COG5: variants seen among roughly 807,000 people sequenced by gnomAD.
COG5 encodes the protein conserved oligomeric Golgi complex subunit 5.
In COG5, 86 loss-of-function variants were observed where a neutral mutation model predicts 110.4. That is an observed-to-expected ratio of 0.78 (90% CI 0.65 to 0.93). COG5 has a LOEUF of 0.93. COG5 is among the 40% of genes least tolerant of loss of function. The pLI, the probability that COG5 is intolerant of heterozygous loss-of-function variation, is 0.00. For synonymous variants in COG5, 360 were observed against 334.6 expected (o/e 1.08, Z -0.83); for missense variants, 1,077 against 987.0 (o/e 1.09, Z -1.22).
At chr7:107,434,894 T>C (rs1168296415) in intron 6 of COG5, among the ~76,000 whole-genome samples, 1 of 151,302 alleles carries the variant, frequency 6.6e-6, no homozygotes, top group Non-Finnish European at 1.5e-5. Flanking sequence ...CGCTTGAACC[T>C]GGGAGGCGGA....
chr7:107,520,763 T>G (rs1312037172), intron 6 of COG5, among the ~76,000 whole-genome samples: 1 of 152,132 alleles, frequency 6.6e-6, no homozygotes, highest in South Asian at 2.1e-4. Flanking sequence ...CAAACTACCA[T>G]TAACATTCTT....
intron 21 of COG5, among the ~76,000 whole-genome samples, chr7:107,207,593 C>T (rs762488953): frequency 6.6e-6 from 1 of 152,230 alleles, no homozygotes; most frequent in Non-Finnish European, 1.5e-5. Flanking sequence ...GAAATCTTTC[C>T]ATCAAAGACT....
intron 12 of COG5, among the ~76,000 whole-genome samples, chr7:107,288,607 G>A (rs765530802): frequency 4.6e-5 from 7 of 151,960 alleles, no homozygotes; most frequent in Non-Finnish European, 8.8e-5. Context: ...GTTTTCTGGA[G>A]ATGTCTGCTC....
At chr7:107,469,451 C>T (rs1263094247) in intron 6 of COG5, among the ~76,000 whole-genome samples, 1 of 152,018 alleles carries the variant, frequency 6.6e-6, no homozygotes, top group African/African-American at 2.4e-5. Flanking sequence ...AGGGTATTAT[C>T]ACCTTAGGTC....
At chr7:107,225,475 C>T (rs12532953) in intron 19 of COG5, among the ~76,000 whole-genome samples, 23,760 of 151,900 alleles carry the variant, frequency 0.16, 2,317 homozygotes, top group Non-Finnish European at 0.22. Flanking sequence ...CATGTTTTTC[C>T]TTTTTGTCTT....
chr7:107,530,613 A>AAAC (rs1801131805), intron 5 of COG5, among the ~76,000 whole-genome samples: 1 of 151,064 alleles, frequency 6.6e-6, no homozygotes, highest in African/African-American at 2.4e-5. Flanking sequence ...AAAAAAAAAA[A>AAAC]AAAAAAAAAA....
chr7:107,407,644 A>G (rs1584783608), intron 7 of COG5, among the ~76,000 whole-genome samples: 1 of 147,684 alleles, frequency 6.8e-6, no homozygotes, highest in Non-Finnish European at 1.5e-5. Context: ...CAAAGGTGCT[A>G]TTATAACCCT....
At chr7:107,325,373 GGGCACAGT>G (rs1809674160) in intron 10 of COG5, among the ~76,000 whole-genome samples, 2 of 152,258 alleles carry the variant, frequency 1.3e-5, no homozygotes, top group African/African-American at 4.8e-5. Context: ...TTTTAAGACT[GGGCACAGT>G]GGCTCACAAC....
rs71314693 is a variant in COG5 at position 107,297,443 on chromosome 7, C to CTTTTTTTTTTT, written c.1313+688_1313+698dup. On this transcript the variant is annotated intron_variant, in intron 12 of 21. Coordinates refer to ENST00000297135, the MANE Select transcript of COG5 (RefSeq NM_006348.5). ...TACCCAAGGGATGAGTACATTCTGCCTTTTTTTTTTTTTTTTTTTTTTTGA... is the reference window on the plus strand; with the variant it reads ...TACCCAAGGGATGAGTACATTCTGCCTTTTTTTTTTTTTTTTTTTTTTTTTTTTTTTTTTGA... Among the ~76,000 whole-genome samples, 16 of 77,982 alleles carry CTTTTTTTTTTT rather than the reference C, an allele frequency of 2.1e-4. 1 individual carries two copies. In the East Asian group the frequency reaches 3.1e-3, roughly 15 times the overall value. The allele number at this position is 77,982 out of a possible 152,430, so 51.2% of individuals were successfully genotyped here.
At chr7:107,411,336 G>A (rs977218085) in intron 7 of COG5, among the ~76,000 whole-genome samples, 9 of 152,010 alleles carry the variant, frequency 5.9e-5, no homozygotes, top group African/African-American at 1.7e-4. Flanking sequence ...CTTACTTAAT[G>A]TAGAGAAATA....
At chr7:107,499,383 T>TA (rs1798492056) in intron 6 of COG5, among the ~76,000 whole-genome samples, 1 of 151,228 alleles carries the variant, frequency 6.6e-6, no homozygotes. Context: ...CAGAAAAGTT[T>TA]AAAAAACAAA....
intron 5 of COG5, among the ~76,000 whole-genome samples, chr7:107,545,723 T>A (rs1223950391): frequency 7.5e-6 from 1 of 133,664 alleles, no homozygotes; most frequent in African/African-American, 2.9e-5. Flanking sequence ...GAGGTTGCAG[T>A]GAGCAGAGAT....
intron 10 of COG5, among the ~76,000 whole-genome samples, chr7:107,338,765 AT>A (rs1333906677): frequency 6.6e-6 from 1 of 152,118 alleles, no homozygotes; most frequent in Non-Finnish European, 1.5e-5. Flanking sequence ...ACAGCCAAAA[AT>A]AACGTGATTT....
chr7:107,537,531 C>A (rs1475328706), intron 5 of COG5, among the ~76,000 whole-genome samples: 1 of 152,012 alleles, frequency 6.6e-6, no homozygotes, highest in Admixed American at 6.6e-5. Context: ...TCAGTGGGAG[C>A]TGAACAATGA....
intron 17 of COG5, among the ~76,000 whole-genome samples, chr7:107,237,905 C>T (rs1801325855): frequency 6.6e-6 from 1 of 152,154 alleles, no homozygotes; most frequent in African/African-American, 2.4e-5. Flanking sequence ...TGTCACTCCA[C>T]AAGGCCAGGC....
intron 19 of COG5, among the ~76,000 whole-genome samples, chr7:107,218,082 T>C (rs1372848311): frequency 1.3e-5 from 2 of 152,004 alleles, no homozygotes; most frequent in African/African-American, 4.8e-5. Context: ...AGAAAATACC[T>C]ACATATAATA....
Position 107,207,847 on chromosome 7 carries a change from A to T in COG5, c.2375+2679T>A. The T allele has an allele frequency of 3.0e-6, 3 of 985,456 alleles. No homozygotes were observed. The South Asian group carries it at 1.4e-4, about 46-fold the overall frequency. The allele number at this position is 985,456 out of a possible 1,614,324, so 61.0% of individuals were successfully genotyped here. A position where few individuals can be genotyped will look rare whatever the true frequency, so the allele number is the denominator to read the frequency against. On this transcript the variant is annotated intron_variant, in intron 21 of 21. Coordinates refer to ENST00000297135, the MANE Select transcript of COG5 (RefSeq NM_006348.5). ...TGTCAGAAGAAAACAGGAAGGCAGG[A>T]TGGTTCACTATTTCCCATTTATTCA...
chr7:107,338,935 T>C (rs573768723), intron 10 of COG5, among the ~76,000 whole-genome samples: 1 of 152,104 alleles, frequency 6.6e-6, no homozygotes, highest in African/African-American at 2.4e-5. Context: ...ACACTTTACA[T>C]GGCCAACACA....
intron 6 of COG5, among the ~76,000 whole-genome samples, chr7:107,422,047 A>C (rs1456357357): frequency 6.6e-6 from 1 of 152,162 alleles, no homozygotes; most frequent in East Asian, 1.9e-4. Flanking sequence ...CTCCTGCCTC[A>C]AGAAACTAGA....
Sources: gnomAD v4.1 joint callset for allele counts (sites outside exome capture counted in the v4.1 genomes callset) on GRCh38, gnomAD v4.1.1 for gene constraint, MANE v1.5 for transcripts, NCBI Gene and HGNC (gene_info 2026-07-23, HGNC 2026-07-21) for gene names.